The following ARHGEF3 variants were observed in gnomAD, a reference collection of about 807,000 sequenced individuals.
The protein encoded by ARHGEF3 is Rho guanine nucleotide exchange factor 3.
In ARHGEF3, 28 loss-of-function variants were observed where a neutral mutation model predicts 63.2. That is an observed-to-expected ratio of 0.44 (90% CI 0.33 to 0.61). The LOEUF is 0.61. Among genes scored for constraint, ARHGEF3 ranks in the 20% least tolerant of loss-of-function variants. The probability of loss-of-function intolerance (pLI) is 0.03; values close to 1 mark genes in which losing one functional copy is unlikely to be tolerated. For missense variants in ARHGEF3, 533 were observed against 659.3 expected, an observed-to-expected ratio of 0.81 and a Z score of 2.10; for synonymous variants, 266 against 254.2, an observed-to-expected ratio of 1.05 and a Z score of -0.44.
chr3:56,784,115 T>C (rs899336934), intron 1 of ARHGEF3, among the ~76,000 whole-genome samples: 3 of 152,206 alleles, frequency 2.0e-5, no homozygotes, highest in Non-Finnish European at 2.9e-5. Flanking sequence ...TTTAGCTCTC[T>C]CTGCGGTCCC....
Position 56,745,247 on chromosome 3 carries a change from G to A in ARHGEF3, c.828C>T (p.His276=). The stretch of plus-strand genomic sequence containing the variant: ...GCTGATCTGGATTATCATTTGGTGT[G>A]TGCCTCAAGATTTCTCGGAGAAGCA... The part of the protein sequence containing the change: ...YPLLLREILR[H]TPNDNPDQQH... Residue 276 remains histidine, a synonymous_variant, in exon 7 of 10, where the codon CAC becomes CAT. Transcript: ENST00000296315. 1.2e-6 allele frequency: 2 copies of A among 1,614,028 alleles called. No homozygotes were observed. The highest frequency in any genetic ancestry group is 1.7e-6 in the Non-Finnish European group (2 of 1,180,008).
rs747042598 is a variant in ARHGEF3, at chr3:56,745,444, A to G, written c.631T>C (p.Tyr211His). 6.2e-7 allele frequency: 1 copy of G among 1,614,002 alleles called. No homozygotes were observed. The highest frequency in any genetic ancestry group is 1.1e-5 in the South Asian group (1 of 91,068). Residue 211 changes from tyrosine (Y) to histidine (H), a missense_variant, in exon 7 of 10, where the codon TAT becomes CAT. Tyr to His is a moderately conservative substitution (Grantham distance 83). Around this residue, in one of 4 missense-constraint regions of ARHGEF3, gnomAD observed 107 missense variants for 207.9 expected, o/e 0.51. Coordinates refer to ENST00000296315, the MANE Select transcript of ARHGEF3 (RefSeq NM_019555.3). ...LVGWLPCLSS[Y>H]DSYCSNQVAA... ...ACTTGATTGCTGCAGTAGCTATCAT[A>G]GGAGCTGAGGCAAGGGAGCTAAGAA... is the stretch of plus-strand genomic sequence containing the variant.
chr3:57,066,465 G>A (rs1233657349), intron 1 of ARHGEF3, among the ~76,000 whole-genome samples: 1 of 152,144 alleles, frequency 6.6e-6, no homozygotes, highest in Non-Finnish European at 1.5e-5. Context: ...GTTTCACCAT[G>A]TTGGCTAGGC....
At chr3:56,787,440 G>A (rs901339092) in intron 1 of ARHGEF3, among the ~76,000 whole-genome samples, 1 of 152,102 alleles carries the variant, frequency 6.6e-6, no homozygotes, top group African/African-American at 2.4e-5. Flanking sequence ...TGTGACTCTT[G>A]TGACTCTGAA....
intron 8 of ARHGEF3, among the ~76,000 whole-genome samples, chr3:56,736,739 T>C (rs139745891): frequency 7.2e-5 from 11 of 152,276 alleles, no homozygotes; most frequent in South Asian, 4.1e-4. Context: ...AATGAATATA[T>C]ATATACATAT....
rs71309985 is a variant in ARHGEF3, at chr3:56,898,823, A to G, written c.130-16469T>C. ...TGTAATCCCAGCACTTTGGGAGGCC[A>G]AGGCGGGCAGATCACGAGGTCAAGA... On this transcript the variant is annotated intron_variant, in intron 3 of 12. Transcript: ENST00000338458. Among the ~76,000 whole-genome samples the G allele has an allele frequency of 5.3e-5, 8 of 152,156 alleles. No individual in the cohort carries two copies. The South Asian group carries it at 8.3e-4, about 16-fold the overall frequency.
intron 4 of ARHGEF3, among the ~76,000 whole-genome samples, chr3:56,815,400 GTACTGA>G (rs1189291549): frequency 6.6e-6 from 1 of 152,126 alleles, no homozygotes; most frequent in Admixed American, 6.5e-5. Flanking sequence ...CATATCTTAT[GTACTGA>G]TGAAAGCACC....
chr3:56,976,232 G>A (rs1484364324), intron 2 of ARHGEF3, among the ~76,000 whole-genome samples: 1 of 152,078 alleles, frequency 6.6e-6, no homozygotes, highest in Non-Finnish European at 1.5e-5. Context: ...TAGTAGAGAC[G>A]GGGTTTCGTC....
rs138194099 is a variant in ARHGEF3 at position 56,993,528 on chromosome 3, C to T, written c.63-34639G>A. Among the ~76,000 whole-genome samples, 922 of 151,962 alleles carry T rather than the reference C, an allele frequency of 6.1e-3. 7 individuals carry two copies. The highest frequency in any genetic ancestry group is 0.021 in the African/African-American group (877 of 41,446). Reference sequence around the variant, plus strand: ...TAGCTGGGACTACAGGTGCGTTCCACGATGGCCAGCTAATTTTTAAATTTT... The same window carrying T: ...TAGCTGGGACTACAGGTGCGTTCCATGATGGCCAGCTAATTTTTAAATTTT... On this transcript the variant is annotated intron_variant, in intron 2 of 12. Transcript: ENST00000338458.
chr3:56,973,117 C>G (rs937098122), intron 2 of ARHGEF3, among the ~76,000 whole-genome samples: 1 of 151,734 alleles, frequency 6.6e-6, no homozygotes, highest in African/African-American at 2.4e-5. Context: ...CCCGGGTTCA[C>G]ACCATTCTCC....
intron 3 of ARHGEF3, among the ~76,000 whole-genome samples, chr3:56,955,783 C>T (rs542514826): frequency 4.6e-5 from 7 of 152,300 alleles, no homozygotes; most frequent in Admixed American, 2.6e-4. Context: ...GCATCCTTCT[C>T]GTTCTTCAAT....
rs577276189 is a variant in ARHGEF3, at chr3:57,000,841, C to T, written c.62+34247G>A. On this transcript the variant is annotated intron_variant, in intron 2 of 12. Transcript: ENST00000338458. ...AGCCACCATGCCCAGCCACTACTAC[C>T]TTATTATTTAACTGTAAGTAACAGA... is the stretch of plus-strand genomic sequence containing the variant. Among the ~76,000 whole-genome samples, 9 of 152,224 alleles carry T rather than the reference C, an allele frequency of 5.9e-5. No individual in the cohort carries two copies. In the South Asian group the frequency reaches 6.2e-4, roughly 11 times the overall value.
chr3:57,011,133 G>T (rs1702683315), intron 2 of ARHGEF3, among the ~76,000 whole-genome samples: 1 of 152,160 alleles, frequency 6.6e-6, no homozygotes, highest in South Asian at 2.1e-4. Context: ...AAAATCGGAG[G>T]GAAGGTGAAA....
rs746229591 is a variant in ARHGEF3, at chr3:56,801,907, C to T, written c.-109G>A. On this transcript the variant is annotated 5_prime_UTR_variant, in exon 1 of 10. Transcript: ENST00000296315. ...CCACGATGCCGGGCGGCGGCGGCGA[C>T]ACGGAGACCGACAGCCGGCTTCTAG... 25 of 1,544,064 alleles carry T rather than the reference C, an allele frequency of 1.6e-5. No homozygotes were observed. The Admixed American group carries it at 4.1e-4, about 25-fold the overall frequency.
chr3:56,764,946 G>A (rs143652134), intron 2 of ARHGEF3, among the ~76,000 whole-genome samples: 7 of 151,924 alleles, frequency 4.6e-5, no homozygotes, highest in South Asian at 4.2e-4. Context: ...TAGTAGAGAC[G>A]GGGTTTCACC....
chr3:56,959,850 C>A (rs1700203634), intron 2 of ARHGEF3, among the ~76,000 whole-genome samples: 1 of 152,144 alleles, frequency 6.6e-6, no homozygotes, highest in Non-Finnish European at 1.5e-5. Flanking sequence ...TGCTGGTGGG[C>A]ACCTGTGATC....
intron 4 of ARHGEF3, among the ~76,000 whole-genome samples, chr3:56,826,555 G>A (rs952359377): frequency 3.3e-5 from 5 of 152,132 alleles, no homozygotes; most frequent in Non-Finnish European, 7.3e-5. Context: ...ATTTCATAAC[G>A]ATATCAAAGA....
chr3:57,038,964 G>A (rs765434618), intron 1 of ARHGEF3, among the ~76,000 whole-genome samples: 3 of 152,178 alleles, frequency 2.0e-5, no homozygotes, highest in Non-Finnish European at 4.4e-5. Flanking sequence ...AACAGCATGG[G>A]CTTTTTCCCC....
chr3:56,792,754 G>A (rs149355695), intron 1 of ARHGEF3, among the ~76,000 whole-genome samples: 8 of 152,070 alleles, frequency 5.3e-5, no homozygotes, highest in Non-Finnish European at 7.4e-5. Context: ...AGAATACTAC[G>A]CCCAAAGATC....
Sources: gnomAD v4.1 joint callset for allele counts (sites outside exome capture counted in the v4.1 genomes callset) on GRCh38, gnomAD v4.1.1 for gene constraint, gnomAD v4.1.1 regional missense constraint, MANE v1.5 for transcripts, NCBI Gene and HGNC (gene_info 2026-07-23, HGNC 2026-07-21) for gene names.